The following NR6A1 variants were observed in gnomAD, a reference collection of about 807,000 sequenced individuals.
NR6A1 encodes nuclear receptor subfamily 6 group A member 1, also known as retinoic acid receptor-related testis-associated receptor.
Under a neutral mutation model 59.1 loss-of-function variants are expected in NR6A1, and 7 were observed. The ratio of observed to expected loss-of-function variants is 0.12; its 90% confidence interval spans 0.07 to 0.22. The LOEUF is 0.22. Ranked by LOEUF, NR6A1 falls within the 10% of genes least tolerant of loss-of-function variation. The probability of loss-of-function intolerance (pLI) is 1.00; values close to 1 mark genes in which losing one functional copy is unlikely to be tolerated. For synonymous variants in NR6A1, 243 were observed against 236.1 expected (o/e 1.03, Z -0.27); for missense variants, 468 against 611.6 (o/e 0.77, Z 2.48).
intron 1 of NR6A1, among the ~76,000 whole-genome samples, chr9:124,766,359 T>C (rs1440211104): frequency 2.0e-5 from 3 of 152,242 alleles, no homozygotes; most frequent in Non-Finnish European, 4.4e-5. Context: ...TCTCAAAGTA[T>C]TACAAAGAGT....
chr9:124,611,771 G>GAC (rs1835753119), intron 2 of NR6A1, among the ~76,000 whole-genome samples: 3 of 126,054 alleles, frequency 2.4e-5, no homozygotes, highest in African/African-American at 1.0e-4. Flanking sequence ...GAGAGAGAGA[G>GAC]AGAGAGAGAG....
At chr9:124,528,431 T>C (rs771485936) in intron 7 of NR6A1, among the ~76,000 whole-genome samples, 53 of 152,178 alleles carry the variant, frequency 3.5e-4, no homozygotes, top group Non-Finnish European at 4.7e-4. Context: ...CTGGGTGTGG[T>C]GGCTCACACC....
chr9:124,690,037 A>T (rs1838475884), intron 2 of NR6A1, among the ~76,000 whole-genome samples: 1 of 152,224 alleles, frequency 6.6e-6, no homozygotes, highest in Admixed American at 6.5e-5. Context: ...TTTGGCAAAA[A>T]GAAACATGAA....
chr9:124,723,377 T>C (rs569446540), intron 2 of NR6A1, among the ~76,000 whole-genome samples: 1 of 152,320 alleles, frequency 6.6e-6, no homozygotes, highest in Admixed American at 6.5e-5. Flanking sequence ...TGCTATTGGC[T>C]GGGGAAGAGG....
chr9:124,697,777 T>G (rs896542471), intron 2 of NR6A1, among the ~76,000 whole-genome samples: 1 of 152,158 alleles, frequency 6.6e-6, no homozygotes, highest in Non-Finnish European at 1.5e-5. Flanking sequence ...ATGAAGAGCT[T>G]GGGCTAAATG....
chr9:124,754,659 C>A (rs1433698509), intron 1 of NR6A1, among the ~76,000 whole-genome samples: 1 of 152,146 alleles, frequency 6.6e-6, no homozygotes, highest in Non-Finnish European at 1.5e-5. Flanking sequence ...GTAAGGTCTA[C>A]AGATTAGATT....
At chr9:124,689,787 C>T (rs1838464855) in intron 2 of NR6A1, among the ~76,000 whole-genome samples, 1 of 152,150 alleles carries the variant, frequency 6.6e-6, no homozygotes, top group South Asian at 2.1e-4. Context: ...ACCAGGTTAA[C>T]CTACTTAGAT....
chr9:124,652,310 C>T (rs980368811), intron 2 of NR6A1, among the ~76,000 whole-genome samples: 2 of 152,172 alleles, frequency 1.3e-5, no homozygotes, highest in African/African-American at 4.8e-5. Context: ...TACAACCCAG[C>T]TCTAAGGAGA....
At chr9:124,590,105 C>T (rs1314656050) in intron 2 of NR6A1, among the ~76,000 whole-genome samples, 2 of 131,104 alleles carry the variant, frequency 1.5e-5, no homozygotes, top group East Asian at 4.8e-4. Flanking sequence ...AGCTAGTCTA[C>T]TGTAGCCATC....
At chr9:124,638,267 A>G (rs1007878357) in intron 2 of NR6A1, among the ~76,000 whole-genome samples, 3 of 152,058 alleles carry the variant, frequency 2.0e-5, no homozygotes, top group African/African-American at 7.2e-5. Flanking sequence ...GGTGTTTAAA[A>G]AAAAAAAAAA....
At chr9:124,535,326 C>G (rs941436926) in intron 7 of NR6A1, among the ~76,000 whole-genome samples, 1 of 152,126 alleles carries the variant, frequency 6.6e-6, no homozygotes, top group African/African-American at 2.4e-5. Context: ...ACCTGTAATC[C>G]CAGCACTTTG....
At chr9:124,733,375 A>C in intron 1 of NR6A1, 26 bp from the exon 2 acceptor site, 1 of 1,594,042 alleles carries the variant, frequency 6.3e-7, no homozygotes, top group Non-Finnish European at 8.6e-7. Context: ...TAGGAAAAAA[A>C]ATTACAATTT....
At chr9:124,600,464 G>A (rs763522355) in intron 2 of NR6A1, among the ~76,000 whole-genome samples, 7 of 152,160 alleles carry the variant, frequency 4.6e-5, no homozygotes, top group Non-Finnish European at 8.8e-5. Flanking sequence ...AAAACTCAAG[G>A]ATTGGAAACT....
At chr9:124,752,391 A>C (rs1452523641) in intron 1 of NR6A1, among the ~76,000 whole-genome samples, 1 of 152,240 alleles carries the variant, frequency 6.6e-6, no homozygotes, top group Non-Finnish European at 1.5e-5. Context: ...AAAATTTTTA[A>C]AAATCAAATT....
chr9:124,672,157 A>G (rs1342084295), intron 2 of NR6A1, among the ~76,000 whole-genome samples: 1 of 152,204 alleles, frequency 6.6e-6, no homozygotes, highest in East Asian at 1.9e-4. Context: ...ACTACTGTGC[A>G]GTATTCCGTT....
intron 1 of NR6A1, among the ~76,000 whole-genome samples, chr9:124,744,007 C>T (rs1840251658): frequency 1.3e-5 from 2 of 152,126 alleles, no homozygotes; most frequent in Admixed American, 1.3e-4. Context: ...CAGGAGGATC[C>T]CTTGAGCTCA....
intron 2 of NR6A1, among the ~76,000 whole-genome samples, chr9:124,710,204 C>T (rs572025621): frequency 2.0e-5 from 3 of 152,260 alleles, no homozygotes; most frequent in Admixed American, 6.5e-5. Flanking sequence ...AAAATCATTA[C>T]ATGAAGGACT....
chr9:124,625,269 A>T (rs951453664), intron 2 of NR6A1, among the ~76,000 whole-genome samples: 5 of 152,204 alleles, frequency 3.3e-5, no homozygotes, highest in African/African-American at 9.6e-5. Context: ...TGGTAACCTC[A>T]CAAGAGCTGC....
intron 2 of NR6A1, among the ~76,000 whole-genome samples, chr9:124,721,316 G>A (rs1046731526): frequency 6.6e-6 from 1 of 152,152 alleles, no homozygotes; most frequent in Non-Finnish European, 1.5e-5. Flanking sequence ...AGGTCAAGGG[G>A]ATGAGAGTTC....
Sources: allele counts gnomAD v4.1 joint callset (sites outside exome capture counted in the v4.1 genomes callset), GRCh38; gene constraint gnomAD v4.1.1; transcripts MANE v1.5; gene names NCBI Gene and HGNC (gene_info 2026-07-23, HGNC 2026-07-21).